COG4: variants seen among roughly 807,000 people sequenced by gnomAD.
COG4 encodes conserved oligomeric Golgi complex subunit 4.
COG4 carries 65 observed loss-of-function variants against 95.1 expected under a neutral mutation model. That is an observed-to-expected ratio of 0.68 (90% CI 0.56 to 0.84). The LOEUF (loss-of-function observed/expected upper bound fraction) is 0.84, where lower values mean the gene tolerates loss of function less well. Ranked by LOEUF, COG4 falls within the 40% of genes least tolerant of loss-of-function variation. The pLI is 0.00. For synonymous variants in COG4, 421 were observed against 374.8 expected (o/e 1.12, Z -1.42); for missense variants, 1,045 against 989.1 (o/e 1.06, Z -0.76).
At chr16:70,502,895 C>T (rs771144505) in intron 8 of COG4, among the ~76,000 whole-genome samples, 1 of 152,116 alleles carries the variant, frequency 6.6e-6, no homozygotes, top group Non-Finnish European at 1.5e-5. Context: ...TTTCAATGAG[C>T]GCTAGGACAA....
intron 8 of COG4, among the ~76,000 whole-genome samples, chr16:70,505,120 A>G (rs974006743): frequency 1.3e-5 from 2 of 151,930 alleles, no homozygotes; most frequent in East Asian, 1.9e-4. Context: ...GCTTGTTGCC[A>G]TATCAAGGAC....
intron 13 of COG4, among the ~76,000 whole-genome samples, chr16:70,486,937 G>A (rs2049149012): frequency 6.6e-6 from 1 of 151,434 alleles, no homozygotes; most frequent in Non-Finnish European, 1.5e-5. Flanking sequence ...GGAGGTTGCA[G>A]TAAGCCGAGA....
chr16:70,519,740 C>T lies in COG4; in HGVS notation c.172-9G>A. On this transcript the variant is annotated splice_polypyrimidine_tract_variant and intron_variant, in intron 1 of 18. Coordinates refer to ENST00000323786, the MANE Select transcript of COG4 (RefSeq NM_015386.3). ...TCTCTCTCCACCACTTTCTGAAACA[C>T]AGAGAAACATCCTGTCAGCAGAATG... 2 of 1,603,350 alleles carry T rather than the reference C, an allele frequency of 1.2e-6. No individual in the cohort carries two copies. Among genetic ancestry groups the T allele is most frequent in the Non-Finnish European group, 1.7e-6 (2 of 1,170,546 alleles).
chr16:70,481,178 G>A (rs771298421), intron 18 of COG4, 34 bp from the exon 19 acceptor site: 2 of 1,613,156 alleles, frequency 1.2e-6, no homozygotes, highest in South Asian at 1.1e-5. Flanking sequence ...AGTCAGCAAG[G>A]TGGGGTTATT....
In COG4 at chr16:70,519,373, C is replaced by T. The variant is rs549491962; in HGVS notation, c.254+276G>A. ...CGATCTCCTGACCTCATGATCCGCCCGCCTCGGCCTCCCAAAGTGCTGGGA... is the reference window on the plus strand; with the variant it reads ...CGATCTCCTGACCTCATGATCCGCCTGCCTCGGCCTCCCAAAGTGCTGGGA... On this transcript the variant is annotated intron_variant, in intron 2 of 18. Coordinates refer to ENST00000323786, the MANE Select transcript of COG4 (RefSeq NM_015386.3). 1.7e-4 allele frequency among the ~76,000 whole-genome samples: 6 copies of T among 34,868 alleles called. 2 individuals are homozygous for T. The highest frequency in any genetic ancestry group is 3.0e-3 in the African/African-American group (2 of 668). 22.9% of individuals were successfully genotyped at this position (34,868 alleles called of 152,430 possible).
intron 9 of COG4, among the ~76,000 whole-genome samples, chr16:70,500,019 G>C (rs931557291): frequency 6.6e-6 from 1 of 151,582 alleles, no homozygotes; most frequent in Non-Finnish European, 1.5e-5. Flanking sequence ...TAATTTTTTA[G>C]AGATGGGGTT....
Position 70,480,681 on chromosome 16 carries a change from G to T in COG4, c.*329C>A. 1 of 372,512 alleles carries T rather than the reference G, an allele frequency of 2.7e-6. No homozygotes were observed. The highest frequency in any genetic ancestry group is 2.7e-5 in the South Asian group (1 of 37,206). 23.1% of individuals were successfully genotyped at this position (372,512 alleles called of 1,614,324 possible). On this transcript the variant is annotated 3_prime_UTR_variant, in exon 19 of 19. Transcript: ENST00000323786. ...CCCAAGTTGTCTAGGACTGGCAGGG[G>T]TAGCTTGTTTGCTGTAGTGTTTGAG...
intron 3 of COG4, among the ~76,000 whole-genome samples, chr16:70,516,691 T>C (rs1190993670): frequency 6.6e-6 from 1 of 152,198 alleles, no homozygotes; most frequent in Non-Finnish European, 1.5e-5. Context: ...ATTAGATTTC[T>C]ATTGAATGGT....
chr16:70,497,431 T>C (rs754182144), intron 10 of COG4, 44 bp from the exon 11 acceptor site: 4 of 1,591,572 alleles, frequency 2.5e-6, no homozygotes, highest in Middle Eastern at 1.9e-4. Context: ...CAGTTGTGCA[T>C]GTCATGTTCT....
At chr16:70,514,572 G>A in intron 3 of COG4, 63 bp from the exon 4 acceptor site, 1 of 1,451,920 alleles carries the variant, frequency 6.9e-7, no homozygotes, top group Non-Finnish European at 9.6e-7. Context: ...CCTCAAGAAG[G>A]TAGGGAGATT....
At chr16:70,482,059 T>C in intron 16 of COG4, 33 bp downstream of exon 16, 1 of 1,566,996 alleles carries the variant, frequency 6.4e-7, no homozygotes, top group Non-Finnish European at 8.8e-7. Flanking sequence ...ACGTGGGTAA[T>C]TCCCTAAGTG....
intron 8 of COG4, among the ~76,000 whole-genome samples, chr16:70,506,618 C>CAA (rs1212409898): frequency 1.8e-4 from 11 of 59,942 alleles, no homozygotes; most frequent in East Asian, 6.6e-4. Flanking sequence ...AAAAAAAAAA[C>CAA]AAAAAAAAAA....
chr16:70,481,271 C>T lies in COG4; in HGVS notation c.2235+88G>A, dbSNP rs1430725443. On this transcript the variant is annotated intron_variant, in intron 18 of 18. Transcript: ENST00000323786. ...GGTGTCCTATAGAGCTGGCTGCTGG[C>T]AGACATGGTTTAGAGGGAAGTGGCG... 5.0e-6 allele frequency: 8 copies of T among 1,608,340 alleles called. No homozygotes were observed. The Admixed American group carries it at 1.3e-4, about 27-fold the overall frequency.
intron 2 of COG4, 103 bp from the exon 3 acceptor site, chr16:70,517,843 AC>A (rs2049856610): frequency 5.3e-6 from 4 of 752,942 alleles, no homozygotes; most frequent in Non-Finnish European, 9.5e-6. Flanking sequence ...TTTCATACCT[AC>A]CTGTAACTCT....
intron 12 of COG4, 106 bp from the exon 13 acceptor site, chr16:70,490,498 C>T: frequency 1.1e-6 from 1 of 909,650 alleles, no homozygotes; most frequent in Non-Finnish European, 1.8e-6. Context: ...CAGAGAAGGG[C>T]TGGCTGGAGT....
chr16:70,495,535 G>A (rs2049323838), intron 12 of COG4, among the ~76,000 whole-genome samples: 1 of 152,108 alleles, frequency 6.6e-6, no homozygotes, highest in Non-Finnish European at 1.5e-5. Flanking sequence ...CTGAGCCTCA[G>A]GAGTCAAGAC....
chr16:70,515,514 T>C (rs547083027), intron 3 of COG4, among the ~76,000 whole-genome samples: 2 of 152,078 alleles, frequency 1.3e-5, no homozygotes, highest in African/African-American at 4.8e-5. Flanking sequence ...TGAAACCCCA[T>C]CTCTACTAAA....
intron 8 of COG4, among the ~76,000 whole-genome samples, chr16:70,504,467 C>T (rs1490113144): frequency 6.6e-6 from 1 of 151,958 alleles, no homozygotes; most frequent in African/African-American, 2.4e-5. Flanking sequence ...ATTAGCCAGA[C>T]ATAGTGGTGA....
intron 5 of COG4, 119 bp downstream of exon 5, chr16:70,512,120 C>T: frequency 1.1e-6 from 1 of 935,782 alleles, no homozygotes; most frequent in Non-Finnish European, 1.7e-6. Flanking sequence ...ACAGCAAGGG[C>T]AGGAAGGGGA....
Sources: gnomAD v4.1 joint callset for allele counts (sites outside exome capture counted in the v4.1 genomes callset) on GRCh38, gnomAD v4.1.1 for gene constraint, MANE v1.5 for transcripts, NCBI Gene and HGNC (gene_info 2026-07-23, HGNC 2026-07-21) for gene names.